The following LMOD1 variants were observed in gnomAD, a reference collection of about 807,000 sequenced individuals.
LMOD1 encodes the protein leiomodin 1.
Under a neutral mutation model 36.5 loss-of-function variants are expected in LMOD1, and 8 were observed. The ratio of observed to expected loss-of-function variants is 0.22; its 90% CI spans 0.13 to 0.40. LMOD1 has a LOEUF of 0.40. Among genes scored for constraint, LMOD1 ranks in the 10% least tolerant of loss-of-function variants. LMOD1 has a pLI of 1.00. For synonymous variants in LMOD1, 284 were observed against 288.7 expected (o/e 0.98, Z 0.17); for missense variants, 630 against 751.1 (o/e 0.84, Z 1.88).
chr1:201,899,848 T>C lies in LMOD1; in HGVS notation c.1165A>G (p.Ile389Val), dbSNP rs750496848. ...IAIMLKANKT[I>V]TSLNLDSNHI... ...TTGGAGTCCAGGTTGAGGCTGGTGA[T>C]GGTCTTGTTGGCCTTGAGCATGATG... is the stretch of plus-strand genomic sequence containing the variant. The change falls in exon 2 of 3, where the codon ATC becomes GTC. Residue 389 changes from isoleucine (I) to valine (V), a missense_variant. By Grantham distance (29) the Ile-to-Val change is conservative. Around this residue, in one of 3 missense-constraint regions of LMOD1, gnomAD observed 81 missense variants for 180.6 expected, o/e 0.45. Coordinates refer to ENST00000367288, the MANE Select transcript of LMOD1 (RefSeq NM_012134.3). This position sits in a 1 kb window ranked among gnomAD's most constrained non-coding sequence, Gnocchi z 6.3. 1.2e-6 allele frequency: 2 copies of C among 1,614,018 alleles called. No homozygotes were observed. The highest frequency in any genetic ancestry group is 8.5e-7 in the Non-Finnish European group (1 of 1,179,884).
At chr1:201,921,939 G>A (rs564289526) in intron 1 of LMOD1, among the ~76,000 whole-genome samples, 10 of 146,582 alleles carry the variant, frequency 6.8e-5, no homozygotes, top group South Asian at 6.7e-4. Flanking sequence ...CAGCCTGGGC[G>A]ACAGAGTGAG....
chr1:201,903,194 C>A (rs1261506297), intron 1 of LMOD1, among the ~76,000 whole-genome samples: 1 of 152,222 alleles, frequency 6.6e-6, no homozygotes, highest in African/African-American at 2.4e-5. Flanking sequence ...TTTGTACCTG[C>A]ACCACAAACA....
intron 1 of LMOD1, among the ~76,000 whole-genome samples, chr1:201,943,684 C>T (rs1445407245): frequency 6.6e-6 from 1 of 152,198 alleles, no homozygotes; most frequent in Admixed American, 6.5e-5. Flanking sequence ...TTTCTGGGTT[C>T]CTTGACTCAG....
At chr1:201,944,352 A>T (rs1014516328) in intron 1 of LMOD1, among the ~76,000 whole-genome samples, 2 of 152,192 alleles carry the variant, frequency 1.3e-5, no homozygotes, top group African/African-American at 4.8e-5. Flanking sequence ...GCTTGTGATT[A>T]GACTGCTTTG....
chr1:201,908,562 G>A (rs1342426942), intron 1 of LMOD1, among the ~76,000 whole-genome samples: 2 of 152,162 alleles, frequency 1.3e-5, no homozygotes, highest in Non-Finnish European at 2.9e-5. Context: ...GCTCAACACA[G>A]AATTCCTAAT....
intron 1 of LMOD1, among the ~76,000 whole-genome samples, chr1:201,945,021 C>T (rs1236159767): frequency 6.6e-6 from 1 of 152,138 alleles, no homozygotes; most frequent in South Asian, 2.1e-4. Context: ...TGAGACTGAT[C>T]TTTTTCTTGC....
In LMOD1 at chr1:201,896,470, T is replaced by A. The variant is rs190493470; in HGVS notation, c.*1902A>T. 3.7e-5 allele frequency: 17 copies of A among 455,610 alleles called. No homozygotes were observed. The East Asian group carries it at 1.2e-3, about 32-fold the overall frequency. 28.2% of individuals were successfully genotyped at this position (455,610 alleles called of 1,614,324 possible). On this transcript the variant is annotated 3_prime_UTR_variant, in exon 3 of 3. Coordinates refer to ENST00000367288, the MANE Select transcript of LMOD1 (RefSeq NM_012134.3). ...CAAAACAGACCTGAGCTCTGACTTT[T>A]ATTAGCTGTGTGATCATGGATATAT...
chr1:201,924,666 AAAGAAAGAAAGAAAGAAAGAAAG>A (rs1681788018), intron 1 of LMOD1, among the ~76,000 whole-genome samples: 1 of 3,498 alleles, frequency 2.9e-4, no homozygotes. Flanking sequence ...GAAAGAAAAA[AAAGAAAGAAAGAAAGAAAGAAAG>A]AAAGAAAGAA....
chr1:201,938,388 C>G (rs1460843400), intron 1 of LMOD1, among the ~76,000 whole-genome samples: 1 of 152,176 alleles, frequency 6.6e-6, no homozygotes. Context: ...CTCGGCCTCC[C>G]AAAGTGCTGG....
At chr1:201,912,707 A>C (rs2102915462) in intron 1 of LMOD1, among the ~76,000 whole-genome samples, 1 of 152,076 alleles carries the variant, frequency 6.6e-6, no homozygotes, top group South Asian at 2.1e-4. Context: ...AAAAACACAA[A>C]AATTAGCCGG....
At position 201,910,744 on chromosome 1, in the gene LMOD1, C is replaced by CTTTTTTTTTTTTTTTTTTTT. The variant is rs58506647; in HGVS notation, c.262-10013_262-9994dup. Among the ~76,000 whole-genome samples, 2 of 49,050 alleles carry CTTTTTTTTTTTTTTTTTTTT rather than the reference C, an allele frequency of 4.1e-5. 1 individual carries two copies. The highest frequency in any genetic ancestry group is 6.9e-5 in the Non-Finnish European group (2 of 29,146). The allele number at this position is 49,050 out of a possible 152,430, so 32.2% of individuals were successfully genotyped here. A position where few individuals can be genotyped will look rare whatever the true frequency, so the allele number is the denominator to read the frequency against. ...TTCCCCTTTTGCAGATGGTGTCATT[C>CTTTTTTTTTTTTTTTTTTTT]TTTTTTTTTTTTTTTTTTTTTTTTT... On this transcript the variant is annotated intron_variant, in intron 1 of 2. Transcript: ENST00000367288.
rs1558245873 is a variant in LMOD1, at chr1:201,946,446, C to T, written c.-106G>A. On this transcript the variant is annotated 5_prime_UTR_variant, in exon 1 of 3. Coordinates refer to ENST00000367288, the MANE Select transcript of LMOD1 (RefSeq NM_012134.3). ...TGCAGCGAGTGGGCTGAGGAGCAAA[C>T]CTCCTGCTGGTCGAGGACTGCAGCT... 6.6e-6 allele frequency: 8 copies of T among 1,208,934 alleles called. No individual in the cohort carries two copies. Among genetic ancestry groups the T allele is most frequent in the Middle Eastern group, 2.4e-4 (1 of 4,184 alleles). 74.9% of individuals were successfully genotyped at this position (1,208,934 alleles called of 1,614,324 possible). A position where few individuals can be genotyped will look rare whatever the true frequency, so the allele number is the denominator to read the frequency against.
At position 201,920,297 on chromosome 1, in the gene LMOD1, C is replaced by T. The variant is rs576941718; in HGVS notation, c.262-19546G>A. Among the ~76,000 whole-genome samples, 104 of 151,870 alleles carry T rather than the reference C, an allele frequency of 6.8e-4. 1 individual carries two copies. The highest frequency in any genetic ancestry group is 2.3e-3 in the African/African-American group (95 of 41,450). On this transcript the variant is annotated intron_variant, in intron 1 of 2. Coordinates refer to ENST00000367288, the MANE Select transcript of LMOD1 (RefSeq NM_012134.3). ...CTGGTCTTGAACTCCTGACCTCAGA[C>T]GATCCGCCCGCCTCAGCCTCCCACC...
chr1:201,912,753 G>A (rs1002957584), intron 1 of LMOD1, among the ~76,000 whole-genome samples: 18 of 152,160 alleles, frequency 1.2e-4, no homozygotes, highest in Non-Finnish European at 2.5e-4. Flanking sequence ...CAGCTACTCC[G>A]GAGGCTGAGG....
chr1:201,943,548 C>A (rs1053990146), intron 1 of LMOD1, among the ~76,000 whole-genome samples: 5 of 152,174 alleles, frequency 3.3e-5, no homozygotes, highest in African/African-American at 9.7e-5. Flanking sequence ...TCTGAGCACC[C>A]AGGGGTTGCT....
chr1:201,927,579 C>CA (rs1177671515), intron 1 of LMOD1, among the ~76,000 whole-genome samples: 8 of 121,484 alleles, frequency 6.6e-5, no homozygotes, highest in East Asian at 2.8e-4. Flanking sequence ...AACAAACAAA[C>CA]AAAAAAAACA....
chr1:201,898,409 A>C lies in LMOD1; in HGVS notation c.1777-11T>G. ...TTTGGGCACTTCCACCTGTAGGGGC[A>C]AAGTAGAGACAGGTTAGAGAAGGGA... On this transcript the variant is annotated splice_polypyrimidine_tract_variant and intron_variant, in intron 2 of 2. Coordinates refer to ENST00000367288, the MANE Select transcript of LMOD1 (RefSeq NM_012134.3). 1.2e-6 allele frequency: 2 copies of C among 1,611,994 alleles called. No homozygotes were observed. The highest frequency in any genetic ancestry group is 1.7e-6 in the Non-Finnish European group (2 of 1,179,090).
At chr1:201,904,688 T>C (rs1681384968) in intron 1 of LMOD1, among the ~76,000 whole-genome samples, 2 of 152,120 alleles carry the variant, frequency 1.3e-5, no homozygotes, top group Admixed American at 1.3e-4. Flanking sequence ...AAGAACCTAA[T>C]GAAAAACAGG....
At chr1:201,935,297 G>A (rs1271517205) in intron 1 of LMOD1, among the ~76,000 whole-genome samples, 1 of 151,478 alleles carries the variant, frequency 6.6e-6, no homozygotes, top group Non-Finnish European at 1.5e-5. Flanking sequence ...TACTGCCTAA[G>A]CTATTTGGTG....
Sources: allele counts gnomAD v4.1 joint callset (sites outside exome capture counted in the v4.1 genomes callset), GRCh38; gene constraint gnomAD v4.1.1; regional missense constraint gnomAD v4.1.1; non-coding constraint Gnocchi (gnomAD v3.1); transcripts MANE v1.5; gene names NCBI Gene and HGNC (gene_info 2026-07-23, HGNC 2026-07-21).